Variants in DGKA observed in about 807,000 individuals in gnomAD.
DGKA encodes the protein 80 kDa diacylglycerol kinase.
Under a neutral mutation model 105.0 loss-of-function variants are expected in DGKA, and 35 were observed. The observed-to-expected ratio is 0.33, with a 90% CI of 0.25 to 0.44. DGKA has a LOEUF of 0.44. Among genes scored for constraint, DGKA ranks in the 20% least tolerant of loss-of-function variants. The pLI, the probability that DGKA is intolerant of heterozygous loss-of-function variation, is 1.00. For synonymous variants in DGKA, 296 were observed against 332.0 expected (o/e 0.89, Z 1.18); for missense variants, 665 against 915.0 (o/e 0.73, Z 3.53).
rs1019179155 is a variant in DGKA, at chr12:55,940,760, G to C, written c.1017+38G>C. The C allele has an allele frequency of 3.1e-6, 5 of 1,603,184 alleles. No homozygotes were observed. Among genetic ancestry groups the C allele is most frequent in the Non-Finnish European group, 4.3e-6 (5 of 1,170,378 alleles). ...GCAGCAGCGGGGAGGGGACAGGAGTGCCTCCCCGATTTCCCACACGCACAG... is the reference window on the plus strand; with the variant it reads ...GCAGCAGCGGGGAGGGGACAGGAGTCCCTCCCCGATTTCCCACACGCACAG... On this transcript the variant is annotated intron_variant, in intron 12 of 23. Transcript: ENST00000331886. This position sits in a 1 kb window ranked among gnomAD's most constrained non-coding sequence, Gnocchi z 4.3.
rs915866627 is a variant in DGKA, at chr12:55,932,748, T to C, written c.-82+1404T>C. 28 of 607,150 alleles carry C rather than the reference T, an allele frequency of 4.6e-5. No homozygotes were observed. Among genetic ancestry groups the C allele is most frequent in the Middle Eastern group, 7.8e-4 (2 of 2,554 alleles). The allele number at this position is 607,150 out of a possible 1,614,324, so 37.6% of individuals were successfully genotyped here. On this transcript the variant is annotated intron_variant, in intron 1 of 23. Coordinates refer to ENST00000331886, the MANE Select transcript of DGKA (RefSeq NM_001345.5). This position sits in a 1 kb window ranked among gnomAD's most constrained non-coding sequence, Gnocchi z 4.3. ...ACACACACACACACACACAACCCCC[T>C]CAGCCAGGTGTAGCACTGCAGTCTT...
chr12:55,945,106 T>C (rs1208018199), intron 17 of DGKA, among the ~76,000 whole-genome samples: 2 of 152,102 alleles, frequency 1.3e-5, no homozygotes, highest in African/African-American at 4.8e-5. Flanking sequence ...AACCTTGGGG[T>C]GGCATTTATT....
At position 55,952,456 on chromosome 12, in the gene DGKA, A is replaced by G. The variant is rs1481376081; in HGVS notation, c.1743+25A>G. On this transcript the variant is annotated intron_variant, in intron 20 of 23. Transcript: ENST00000331886. The surrounding 1 kb of genome is among the most constrained non-coding windows in gnomAD (Gnocchi z 5.1). Reference sequence around the variant, plus strand: ...GGTGTGTGTAATAAGACTTAACCCTACATCCTTTTCAGCTTCTTAATAGCC... The same window carrying G: ...GGTGTGTGTAATAAGACTTAACCCTGCATCCTTTTCAGCTTCTTAATAGCC... The G allele has an allele frequency of 1.9e-6, 3 of 1,606,734 alleles. No homozygotes were observed. The African/African-American group carries it at 4.0e-5, about 21-fold the overall frequency.
In DGKA at chr12:55,932,528, C is replaced by T. The variant is rs1412200162; in HGVS notation, c.-82+1184C>T. ...TGTCACTGGGAAGTTTCTGAAAATA[C>T]CTGAGTCTGAATCTCACTTTTCACC... On this transcript the variant is annotated intron_variant, in intron 1 of 23. Transcript: ENST00000331886. This position sits in a 1 kb window ranked among gnomAD's most constrained non-coding sequence, Gnocchi z 4.3. The T allele has an allele frequency of 2.8e-6, 2 of 702,284 alleles. No individual in the cohort carries two copies. The highest frequency in any genetic ancestry group is 5.4e-5 in the East Asian group (2 of 37,278). 43.5% of individuals were successfully genotyped at this position (702,284 alleles called of 1,614,324 possible). A position where few individuals can be genotyped will look rare whatever the true frequency, so the allele number is the denominator to read the frequency against.
chr12:55,953,790 A>G lies in DGKA; in HGVS notation c.*22A>G, dbSNP rs1308648595. 5.6e-6 allele frequency: 9 copies of G among 1,611,808 alleles called. No individual in the cohort carries two copies. Among genetic ancestry groups the G allele is most frequent in the Non-Finnish European group, 7.6e-6 (9 of 1,177,910 alleles). On this transcript the variant is annotated 3_prime_UTR_variant, in exon 24 of 24. Transcript: ENST00000331886. ...CTAAGGGGGACACCCTTGGCCTCCA[A>G]GCCAGCCTTGAACCCACCTCCCTGT...
rs377340194 is a variant in DGKA, at chr12:55,953,401, G to A, written c.2115G>A (p.Thr705=). ...TTGACGGAGAACCCTGGATGCAGAC[G>A]CCCTGTACAGTGAGTATTGACGATC... The part of the protein sequence containing the change: ...MQIDGEPWMQ[T]PCTIKITHKN... Residue 705 remains threonine (T), a synonymous_variant, in exon 23 of 24, where the codon ACG becomes ACA. Transcript: ENST00000331886. 45 of 1,613,908 alleles carry A rather than the reference G, an allele frequency of 2.8e-5. No homozygotes were observed. The highest frequency in any genetic ancestry group is 6.7e-5 in the African/African-American group (5 of 74,842).
intron 1 of DGKA, chr12:55,936,081 G>A: frequency 1.1e-6 from 1 of 942,866 alleles, no homozygotes; most frequent in Non-Finnish European, 1.3e-6. Context: ...AAACAGACAA[G>A]GGACACACCC....
chr12:55,932,721 A>T lies in DGKA; in HGVS notation c.-82+1377A>T, dbSNP rs1260432841. On this transcript the variant is annotated intron_variant, in intron 1 of 23. Transcript: ENST00000331886. This position sits in a 1 kb window ranked among gnomAD's most constrained non-coding sequence, Gnocchi z 4.3. ...CACACACACACACGCACACACACACACACACACACACACACACACAACCCC... is the reference window on the plus strand; with the variant it reads ...CACACACACACACGCACACACACACTCACACACACACACACACACAACCCC... 2 of 618,484 alleles carry T rather than the reference A, an allele frequency of 3.2e-6. No homozygotes were observed. The highest frequency in any genetic ancestry group is 4.7e-5 in the Admixed American group (2 of 42,672). The allele number at this position is 618,484 out of a possible 1,614,324, so 38.3% of individuals were successfully genotyped here.
intron 17 of DGKA, among the ~76,000 whole-genome samples, chr12:55,944,606 A>C (rs1246462013): frequency 6.6e-6 from 1 of 152,226 alleles, no homozygotes; most frequent in Non-Finnish European, 1.5e-5. Flanking sequence ...ACCTGTTTGC[A>C]GTAGTCCAGA....
chr12:55,942,672 T>A (rs1886266965), intron 17 of DGKA: 3 of 238,962 alleles, frequency 1.3e-5, no homozygotes, highest in African/African-American at 6.7e-5. Context: ...ATTAATTAAT[T>A]CACTATGATT....
rs186641766 is a variant in DGKA at position 55,946,441 on chromosome 12, C to G, written c.1426+4178C>G. On this transcript the variant is annotated intron_variant, in intron 17 of 23. Transcript: ENST00000331886. Reference sequence around the variant, plus strand: ...GCGCGATCTCAGCTCACTGCAACCTCTGCCTCCCAGGTTCAAGTGATTCTC... The same window carrying G: ...GCGCGATCTCAGCTCACTGCAACCTGTGCCTCCCAGGTTCAAGTGATTCTC... Among the ~76,000 whole-genome samples the G allele has an allele frequency of 3.8e-3, 578 of 152,348 alleles. 8 individuals carry two copies. Among genetic ancestry groups the G allele is most frequent in the South Asian group, 0.014 (67 of 4,826 alleles).
At position 55,940,126 on chromosome 12, in the gene DGKA, C is replaced by A. The variant is rs369620630; in HGVS notation, c.754C>A (p.Pro252Thr). Reference protein sequence around the residue: ...VHDQCAMKALPCEVSTYAKSR... With the variant: ...VHDQCAMKALTCEVSTYAKSR... Reference sequence around the variant, plus strand: ...CGACCAGTGTGCCATGAAAGCCCTGCCTTGTGAAGTCAGCACCTATGCCAA... The same window carrying A: ...CGACCAGTGTGCCATGAAAGCCCTGACTTGTGAAGTCAGCACCTATGCCAA... The change falls in exon 10 of 24, where the codon CCT (proline) becomes ACT (threonine). Residue 252 changes from proline to threonine, a missense_variant. This residue lies in a region of DGKA where 504 missense variants were observed against 681.2 expected (regional missense o/e 0.74). Coordinates refer to ENST00000331886, the MANE Select transcript of DGKA (RefSeq NM_001345.5). The surrounding 1 kb of genome is among the most constrained non-coding windows in gnomAD (Gnocchi z 4.3). 6.2e-7 allele frequency: 1 copy of A among 1,614,210 alleles called. No homozygotes were observed. The highest frequency in any genetic ancestry group is 8.5e-7 in the Non-Finnish European group (1 of 1,180,036).
intron 14 of DGKA, 92 bp downstream of exon 14, chr12:55,941,417 G>T (rs1885961281): frequency 6.3e-7 from 1 of 1,579,780 alleles, no homozygotes; most frequent in South Asian, 1.1e-5. Flanking sequence ...GTCTGGAGGG[G>T]CATACCTTGA....
chr12:55,931,371 G>C (rs1883598899), intron 1 of DGKA, 27 bp downstream of exon 1: 1 of 152,326 alleles, frequency 6.6e-6, no homozygotes, highest in African/African-American at 2.4e-5. Context: ...AGGGCGTGGA[G>C]AAAGGGTGGA....
At chr12:55,934,100 T>G (rs1032426629) in intron 1 of DGKA, among the ~76,000 whole-genome samples, 1 of 152,214 alleles carries the variant, frequency 6.6e-6, no homozygotes, top group African/African-American at 2.4e-5. Context: ...TTCTACTGTA[T>G]ACTACTTCTC....
In DGKA at chr12:55,953,829, T is replaced by A; in HGVS notation, c.*61T>A. On this transcript the variant is annotated 3_prime_UTR_variant, in exon 24 of 24. Coordinates refer to ENST00000331886, the MANE Select transcript of DGKA (RefSeq NM_001345.5). ...CCACCTCCCTGTCCCTGGACTCTAC[T>A]CCCGAGGCTCTGTACATTGCTGCCA... 1.4e-6 allele frequency: 2 copies of A among 1,461,530 alleles called. No homozygotes were observed. Among genetic ancestry groups the A allele is most frequent in the Non-Finnish European group, 1.9e-6 (2 of 1,044,298 alleles). 90.5% of individuals were successfully genotyped at this position (1,461,530 alleles called of 1,614,324 possible).
chr12:55,946,254 T>G (rs1379054059), intron 17 of DGKA, among the ~76,000 whole-genome samples: 1 of 152,126 alleles, frequency 6.6e-6, no homozygotes, highest in Admixed American at 6.6e-5. Context: ...CAATACCACC[T>G]CTGCCTCCCA....
chr12:55,946,668 T>G (rs1887075342), intron 17 of DGKA, among the ~76,000 whole-genome samples: 1 of 152,170 alleles, frequency 6.6e-6, no homozygotes, highest in Non-Finnish European at 1.5e-5. Flanking sequence ...TATTCACAGT[T>G]TCTTGAGATT....
chr12:55,943,496 G>C (rs1886417726), intron 17 of DGKA: 1 of 152,046 alleles, frequency 6.6e-6, no homozygotes, highest in Non-Finnish European at 1.5e-5. Context: ...GGATGGTCTT[G>C]AACTCCTGAC....
Sources: gnomAD v4.1 joint callset for allele counts (sites outside exome capture counted in the v4.1 genomes callset) on GRCh38, gnomAD v4.1.1 for gene constraint, gnomAD v4.1.1 regional missense constraint, Gnocchi (gnomAD v3.1) non-coding constraint, MANE v1.5 for transcripts, NCBI Gene and HGNC (gene_info 2026-07-23, HGNC 2026-07-21) for gene names.